Variants in SLC44A3 observed in about 807,000 individuals in gnomAD.
SLC44A3 encodes the protein choline transporter-like protein 3.
Under a neutral mutation model 75.4 loss-of-function variants are expected in SLC44A3, and 74 were observed. The ratio of observed to expected loss-of-function variants is 0.98; its 90% confidence interval spans 0.81 to 1.19. SLC44A3 has a LOEUF of 1.19. Among genes scored for constraint, SLC44A3 ranks in the 50% most tolerant of loss-of-function variants. The pLI is 0.00. For missense variants in SLC44A3, 700 were observed against 778.6 expected (o/e 0.90, Z 1.20); for synonymous variants, 310 against 296.9 (o/e 1.04, Z -0.45).
At chr1:94,871,319 T>G (rs1293245464) in intron 12 of SLC44A3, among the ~76,000 whole-genome samples, 1 of 152,202 alleles carries the variant, frequency 6.6e-6, no homozygotes, top group African/African-American at 2.4e-5. Context: ...AAAAGGCTGG[T>G]CAGGGTGGCC....
chr1:94,883,022 C>T (rs886212448), intron 12 of SLC44A3, among the ~76,000 whole-genome samples: 2 of 151,288 alleles, frequency 1.3e-5, no homozygotes, highest in Non-Finnish European at 2.9e-5. Flanking sequence ...GAGGATCTTT[C>T]TTTATCTGTT....
chr1:94,850,226 C>A (rs1200590724), intron 9 of SLC44A3, among the ~76,000 whole-genome samples: 2 of 152,128 alleles, frequency 1.3e-5, no homozygotes, highest in East Asian at 3.9e-4. Context: ...ATCAAGCCCC[C>A]ATCTTGCACC....
chr1:94,827,384 A>G (rs1340282835), intron 3 of SLC44A3, 123 bp from the exon 4 acceptor site: 1 of 1,247,146 alleles, frequency 8.0e-7, no homozygotes, highest in Non-Finnish European at 1.1e-6. Context: ...TGCTGAAACA[A>G]TTATGAAAGT....
intron 12 of SLC44A3, among the ~76,000 whole-genome samples, chr1:94,867,942 A>G (rs984097084): frequency 6.6e-6 from 1 of 152,186 alleles, no homozygotes; most frequent in African/African-American, 2.4e-5. Flanking sequence ...ATATATATCA[A>G]CTAAGAGCTA....
intron 12 of SLC44A3, among the ~76,000 whole-genome samples, chr1:94,872,529 ACCACCATATCTATACCAGTCT>A (rs1257995687): frequency 1.3e-5 from 2 of 152,088 alleles, no homozygotes; most frequent in Non-Finnish European, 2.9e-5. Context: ...AAGTCTGAGA[ACCACCATATCTATACCAGTCT>A]CCTGGGAGAA....
intron 12 of SLC44A3, among the ~76,000 whole-genome samples, chr1:94,869,378 G>A (rs1667514650): frequency 2.6e-5 from 4 of 152,234 alleles, no homozygotes; most frequent in Non-Finnish European, 5.9e-5. Context: ...CCTTGATCCA[G>A]CTCCTGTAGT....
rs181583054 is a variant in SLC44A3 at position 94,841,782 on chromosome 1, A to G, written c.761-218A>G. Among the ~76,000 whole-genome samples, 30 of 152,324 alleles carry G rather than the reference A, an allele frequency of 2.0e-4. No individual in the cohort carries two copies. The East Asian group carries it at 3.7e-3, about 19-fold the overall frequency. ...TCCTGGGTCTCCCAAAACAAGCATC[A>G]TCCCAGAACTTGTGGGTCCTCTATG... On this transcript the variant is annotated intron_variant, in intron 7 of 14. Transcript: ENST00000271227.
intron 2 of SLC44A3, among the ~76,000 whole-genome samples, chr1:94,821,910 G>GT (rs1660647568): frequency 6.6e-6 from 1 of 152,088 alleles, no homozygotes; most frequent in Non-Finnish European, 1.5e-5. Flanking sequence ...CTTATGACCC[G>GT]TTTCACATAG....
chr1:94,828,765 T>C (rs1393776657), intron 5 of SLC44A3, among the ~76,000 whole-genome samples, 179 bp downstream of exon 5: 1 of 152,190 alleles, frequency 6.6e-6, no homozygotes, highest in East Asian at 1.9e-4. Flanking sequence ...GCAGTATGCC[T>C]ATGGACAGTG....
At chr1:94,856,655 C>T (rs946077093) in intron 9 of SLC44A3, among the ~76,000 whole-genome samples, 1 of 151,954 alleles carries the variant, frequency 6.6e-6, no homozygotes, top group Non-Finnish European at 1.5e-5. Context: ...TTTTAGAGTC[C>T]CATGTGTTTA....
chr1:94,876,565 T>A (rs567822753), intron 12 of SLC44A3, among the ~76,000 whole-genome samples: 63 of 152,300 alleles, frequency 4.1e-4, no homozygotes, highest in African/African-American at 1.5e-3. Context: ...GAAAAAAGCA[T>A]ATGAAAGGAG....
At chr1:94,842,365 G>A (rs1269248531) in intron 8 of SLC44A3, among the ~76,000 whole-genome samples, 1 of 152,224 alleles carries the variant, frequency 6.6e-6, no homozygotes, top group African/African-American at 2.4e-5. Flanking sequence ...TATCCTTGCT[G>A]TTGCACTGTT....
At chr1:94,874,634 C>T (rs1017431737) in intron 12 of SLC44A3, among the ~76,000 whole-genome samples, 2 of 152,236 alleles carry the variant, frequency 1.3e-5, no homozygotes, top group Non-Finnish European at 2.9e-5. Flanking sequence ...ACTTCGACTT[C>T]CTCCTAAGTG....
chr1:94,851,832 T>G (rs780475694), intron 9 of SLC44A3, among the ~76,000 whole-genome samples: 4 of 152,184 alleles, frequency 2.6e-5, no homozygotes, highest in Non-Finnish European at 5.9e-5. Context: ...GTAGAACCCC[T>G]CCAAATTAGG....
At chr1:94,825,896 C>T (rs921951233) in intron 3 of SLC44A3, 11 of 456,142 alleles carry the variant, frequency 2.4e-5, no homozygotes, top group Non-Finnish European at 4.4e-5. Flanking sequence ...TCCCATTTCA[C>T]ATTGTGTTCA....
At chr1:94,837,019 A>G (rs4847360) in intron 5 of SLC44A3, 79,565 of 151,898 alleles carry the variant, frequency 0.52, 21,029 homozygotes, top group East Asian at 0.69. Flanking sequence ...AGATCCTGCT[A>G]TTTGCAACAA....
intron 12 of SLC44A3, among the ~76,000 whole-genome samples, chr1:94,884,528 C>G (rs560714695): frequency 6.6e-6 from 1 of 152,118 alleles, no homozygotes. Flanking sequence ...TTCAGTTTCT[C>G]AAGTTTGTTT....
At chr1:94,822,888 G>T (rs1557793073) in intron 2 of SLC44A3, among the ~76,000 whole-genome samples, 1 of 152,080 alleles carries the variant, frequency 6.6e-6, no homozygotes, top group Non-Finnish European at 1.5e-5. Context: ...TTGAAATTAG[G>T]ACAATGAAGG....
chr1:94,857,680 A>G (rs929185301), intron 10 of SLC44A3, among the ~76,000 whole-genome samples, 180 bp downstream of exon 10: 1 of 152,178 alleles, frequency 6.6e-6, no homozygotes, highest in African/African-American at 2.4e-5. Context: ...GAAATATTAC[A>G]CCCTAAATCT....
Sources: allele counts gnomAD v4.1 joint callset (sites outside exome capture counted in the v4.1 genomes callset), GRCh38; gene constraint gnomAD v4.1.1; transcripts MANE v1.5; gene names NCBI Gene and HGNC (gene_info 2026-07-23, HGNC 2026-07-21).